The following MGMT variants were observed in gnomAD, a reference collection of about 807,000 sequenced individuals.
MGMT encodes methylated-DNA--protein-cysteine methyltransferase.
A neutral mutation model predicts 15.9 loss-of-function variants in MGMT; 14 were observed. The observed-to-expected ratio is 0.88, with a 90% confidence interval of 0.58 to 1.37. MGMT has a LOEUF of 1.37. MGMT is among the 40% of genes most tolerant of loss of function. The pLI is 0.00. For missense variants in MGMT, 282 were observed against 268.1 expected (o/e 1.05, Z -0.36); for synonymous variants, 130 against 118.2 (o/e 1.10, Z -0.65).
chr10:129,747,942 A>G (rs766546772), intron 3 of MGMT, among the ~76,000 whole-genome samples: 2 of 152,196 alleles, frequency 1.3e-5, no homozygotes, highest in Non-Finnish European at 2.9e-5. Flanking sequence ...CACATAGGTA[A>G]GCTGTCATTT....
chr10:129,592,093 G>A (rs999133613), intron 2 of MGMT, among the ~76,000 whole-genome samples: 6 of 152,194 alleles, frequency 3.9e-5, no homozygotes, highest in South Asian at 2.1e-4. Flanking sequence ...GATGTTTTCC[G>A]GAGGAAGGGT....
At chr10:129,562,968 T>C (rs151272060) in intron 2 of MGMT, among the ~76,000 whole-genome samples, 1 of 152,174 alleles carries the variant, frequency 6.6e-6, no homozygotes, top group African/African-American at 2.4e-5. Flanking sequence ...GTACCACAAG[T>C]GCCCGTGCCA....
chr10:129,626,472 G>A (rs956470670), intron 2 of MGMT, among the ~76,000 whole-genome samples: 5 of 152,198 alleles, frequency 3.3e-5, no homozygotes, highest in Non-Finnish European at 7.3e-5. Flanking sequence ...CCTGGAGGGA[G>A]GCCTGATGCC....
At chr10:129,759,088 T>C in intron 3 of MGMT, 114 bp from the exon 4 acceptor site, 1 of 1,321,166 alleles carries the variant, frequency 7.6e-7, no homozygotes, top group Non-Finnish European at 1.1e-6. Flanking sequence ...TTTAATTGAG[T>C]ATAATACCTC....
intron 1 of MGMT, among the ~76,000 whole-genome samples, chr10:129,481,971 TG>T (rs1161092279): frequency 6.6e-6 from 1 of 152,204 alleles, no homozygotes; most frequent in African/African-American, 2.4e-5. Flanking sequence ...CTTTCTTTTT[TG>T]TAGTTTCTTA....
intron 2 of MGMT, among the ~76,000 whole-genome samples, chr10:129,580,102 C>T (rs1161428204): frequency 6.6e-6 from 1 of 152,184 alleles, no homozygotes; most frequent in Non-Finnish European, 1.5e-5. Context: ...AGGACTCTCA[C>T]TTTCTAATTG....
intron 3 of MGMT, among the ~76,000 whole-genome samples, chr10:129,746,282 A>G (rs926507391): frequency 1.3e-5 from 2 of 151,066 alleles, no homozygotes; most frequent in African/African-American, 4.8e-5. Flanking sequence ...CCTGACTTTC[A>G]TAGACCAAAC....
At chr10:129,521,851 C>T (rs957315100) in intron 1 of MGMT, among the ~76,000 whole-genome samples, 1 of 152,218 alleles carries the variant, frequency 6.6e-6, no homozygotes, top group Non-Finnish European at 1.5e-5. Flanking sequence ...CAGCATGGTA[C>T]AGGAGTCGCA....
intron 3 of MGMT, among the ~76,000 whole-genome samples, chr10:129,723,387 C>A (rs1848395954): frequency 6.6e-6 from 1 of 152,132 alleles, no homozygotes; most frequent in Non-Finnish European, 1.5e-5. Flanking sequence ...TTCACCATGA[C>A]CTTGACCTCA....
chr10:129,540,907 CT>C (rs937455100), intron 2 of MGMT, among the ~76,000 whole-genome samples: 7 of 152,252 alleles, frequency 4.6e-5, no homozygotes, highest in Admixed American at 3.3e-4. Context: ...CATCTGTGCT[CT>C]GTGTGGCTGC....
At chr10:129,627,747 T>TA (rs1195542145) in intron 2 of MGMT, among the ~76,000 whole-genome samples, 1 of 152,248 alleles carries the variant, frequency 6.6e-6, no homozygotes, top group Non-Finnish European at 1.5e-5. Flanking sequence ...TTATTGCTGT[T>TA]ATATATTTTA....
At chr10:129,575,703 A>G (rs954612805) in intron 2 of MGMT, among the ~76,000 whole-genome samples, 13 of 151,600 alleles carry the variant, frequency 8.6e-5, no homozygotes, top group African/African-American at 3.2e-4. Flanking sequence ...ACTGAAGGAA[A>G]TAGAGACACA....
At chr10:129,680,584 C>T (rs1234822601) in intron 2 of MGMT, among the ~76,000 whole-genome samples, 1 of 139,450 alleles carries the variant, frequency 7.2e-6, no homozygotes, top group Non-Finnish European at 1.7e-5. Flanking sequence ...GACATCCAGG[C>T]GTGGAAGGGA....
chr10:129,492,066 G>A (rs760439770), intron 1 of MGMT, among the ~76,000 whole-genome samples: 77 of 152,040 alleles, frequency 5.1e-4, no homozygotes, highest in Non-Finnish European at 9.6e-4. Flanking sequence ...CTGGATTGTC[G>A]TGTTTTTCAT....
intron 2 of MGMT, among the ~76,000 whole-genome samples, chr10:129,570,325 G>C (rs1475282900): frequency 6.6e-6 from 1 of 152,240 alleles, no homozygotes; most frequent in Non-Finnish European, 1.5e-5. Context: ...CAGCACCCGG[G>C]TTCCACCCGG....
At chr10:129,730,971 G>A (rs374354655) in intron 3 of MGMT, among the ~76,000 whole-genome samples, 2 of 152,210 alleles carry the variant, frequency 1.3e-5, no homozygotes, top group Non-Finnish European at 2.9e-5. Flanking sequence ...TTGGGAAAGT[G>A]AGTATAAATA....
intron 2 of MGMT, among the ~76,000 whole-genome samples, chr10:129,657,852 GGAGGATTTGCCACCCTCCAGT>G (rs1277125375): frequency 2.0e-5 from 3 of 152,142 alleles, no homozygotes; most frequent in Non-Finnish European, 4.4e-5. Context: ...GCTGGGAATG[GGAGGATTTGCCACCCTCCAGT>G]GAGGAGCCCC....
chr10:129,733,970 G>A (rs1589965451), intron 3 of MGMT, among the ~76,000 whole-genome samples: 1 of 150,910 alleles, frequency 6.6e-6, no homozygotes, highest in African/African-American at 2.4e-5. Flanking sequence ...TAGCCTTGTA[G>A]TATAGTTTGA....
chr10:129,680,178 C>T (rs1273239501), intron 2 of MGMT, among the ~76,000 whole-genome samples: 2 of 152,058 alleles, frequency 1.3e-5, no homozygotes, highest in East Asian at 1.9e-4. Flanking sequence ...TTTTTTTAAC[C>T]GACTGTATGA....
Sources: gnomAD v4.1 joint callset for allele counts (sites outside exome capture counted in the v4.1 genomes callset) on GRCh38, gnomAD v4.1.1 for gene constraint, MANE v1.5 for transcripts, NCBI Gene and HGNC (gene_info 2026-07-23, HGNC 2026-07-21) for gene names.